HROB: variants seen among roughly 807,000 people sequenced by gnomAD.
The protein encoded by HROB is homologous recombination OB-fold protein.
A neutral mutation model predicts 61.0 loss-of-function variants in HROB; 44 were observed. The ratio of observed to expected loss-of-function variants is 0.72; its 90% CI spans 0.57 to 0.93. The LOEUF is 0.93. Among genes scored for constraint, HROB ranks in the 40% least tolerant of loss-of-function variants. The pLI is 0.00. For synonymous variants in HROB, 301 were observed against 310.4 expected (o/e 0.97, Z 0.32); for missense variants, 716 against 796.2 (o/e 0.90, Z 1.21).
intron 5 of HROB, 25 bp downstream of exon 5, chr17:44,152,802 CAAAGG>C (rs750998469): frequency 6.2e-7 from 1 of 1,606,676 alleles, no homozygotes; most frequent in Non-Finnish European, 8.5e-7. Flanking sequence ...TGCTGAGACC[CAAAGG>C]AAAGACCATT....
rs750286909 is a variant in HROB, at chr17:44,148,977, C to G, written c.1174C>G (p.Arg392Gly). 1 of 1,614,042 alleles carries G rather than the reference C, an allele frequency of 6.2e-7. No individual in the cohort carries two copies. The highest frequency in any genetic ancestry group is 1.7e-5 in the Admixed American group (1 of 60,006). The change falls in exon 3 of 10, where the codon CGA becomes GGA. Residue 392 changes from arginine to glycine, a missense_variant. Physicochemically the swap from Arg to Gly is moderately radical, Grantham distance 125. Transcript: ENST00000585683. ...TPQQPTHPST[R>G]AKTRRFPGPA... Reference sequence around the variant, plus strand: ...CCAGCAGCCCACCCATCCCTCCACCCGAGCCAAAACTCGCCGTTTCCCTGG... The same window carrying G: ...CCAGCAGCCCACCCATCCCTCCACCGGAGCCAAAACTCGCCGTTTCCCTGG...
chr17:44,148,612 C>A lies in HROB; in HGVS notation c.809C>A (p.Pro270Gln). Residue 270 changes from proline (P) to glutamine (Q), a missense_variant, in exon 3 of 10, where the codon CCG (proline) becomes CAG (glutamine). Transcript: ENST00000585683. ...CAGCAACTCCACTGGGAAGTCTGTC[C>A]GCAACGCTCCCCTGTTCAAGCACTT... ...PTQQLHWEVC[P>Q]QRSPVQALQP... 6.2e-7 allele frequency: 1 copy of A among 1,613,570 alleles called. No homozygotes were observed. Among genetic ancestry groups the A allele is most frequent in the Non-Finnish European group, 8.5e-7 (1 of 1,180,016 alleles).
At chr17:44,142,462 T>G (rs2053477557) in intron 1 of HROB, among the ~76,000 whole-genome samples, 1 of 149,322 alleles carries the variant, frequency 6.7e-6, no homozygotes, top group South Asian at 2.1e-4. Flanking sequence ...CCCCACACTT[T>G]CTACTTTTTT....
intron 2 of HROB, 174 bp from the exon 3 acceptor site, chr17:44,147,684 C>T (rs1421975576): frequency 1.6e-6 from 1 of 631,396 alleles, no homozygotes; most frequent in East Asian, 2.9e-5. Context: ...GATCCTCCTA[C>T]CTTGGCCTCC....
Position 44,147,150 on chromosome 17 carries a change from A to G in HROB, c.55-708A>G, listed in dbSNP as rs151206347. 7.9e-5 allele frequency among the ~76,000 whole-genome samples: 12 copies of G among 152,106 alleles called. No individual in the cohort carries two copies. In the East Asian group the frequency reaches 2.3e-3, roughly 30 times the overall value. On this transcript the variant is annotated intron_variant, in intron 2 of 9. Coordinates refer to ENST00000585683, the MANE Select transcript of HROB (RefSeq NM_001171251.3). ...AGCTGGATAGATCCCTGTTTAGATA[A>G]CAGGCCAGACACCAGAAAGTGGTCT...
intron 3 of HROB, among the ~76,000 whole-genome samples, chr17:44,149,355 T>C (rs923786364): frequency 6.6e-6 from 1 of 152,004 alleles, no homozygotes; most frequent in African/African-American, 2.4e-5. Flanking sequence ...TTTAAGCGAT[T>C]CTCCTGCCTC....
chr17:44,156,669 A>ATTT (rs200144326), intron 8 of HROB, among the ~76,000 whole-genome samples: 1 of 150,206 alleles, frequency 6.7e-6, no homozygotes, highest in South Asian at 2.1e-4. Context: ...GTATTTATTT[A>ATTT]TTTTTTTTTT....
Position 44,145,920 on chromosome 17 carries a change from C to A in HROB, c.54+667C>A, listed in dbSNP as rs184319987. Among the ~76,000 whole-genome samples, 450 of 152,274 alleles carry A rather than the reference C, an allele frequency of 3.0e-3. 1 individual carries two copies. The highest frequency in any genetic ancestry group is 5.2e-3 in the Non-Finnish European group (355 of 68,016). On this transcript the variant is annotated intron_variant, in intron 2 of 9. Coordinates refer to ENST00000585683, the MANE Select transcript of HROB (RefSeq NM_001171251.3). ...CAGGGGTACACGTGCAGGTTTGTTA[C>A]ATAGGTAAACATGTGCCATGGTGGT...
rs2053713682 is a variant in HROB at position 44,149,006 on chromosome 17, A to G, written c.1203A>G (p.Pro401=). ...CCAAAACTCGCCGTTTCCCTGGCCC[A>G]GCTGGGATCCTGCCTCACCAGGTGA... ...TRAKTRRFPG[P]AGILPHQQSG... The change falls in exon 3 of 10, where the codon CCA becomes CCG. Residue 401 remains proline (P), a synonymous_variant. Transcript: ENST00000585683. The G allele has an allele frequency of 2.5e-6, 4 of 1,613,656 alleles. No homozygotes were observed. Among genetic ancestry groups the G allele is most frequent in the African/African-American group, 2.7e-5 (2 of 74,904 alleles).
chr17:44,144,556 A>G (rs227581), intron 1 of HROB, among the ~76,000 whole-genome samples: 70,236 of 151,694 alleles, frequency 0.46, 19,327 homozygotes, highest in East Asian at 0.78. Context: ...GATTATAGGC[A>G]TGAGCCACCG....
intron 3 of HROB, among the ~76,000 whole-genome samples, chr17:44,150,610 C>G (rs1177591156): frequency 6.6e-6 from 1 of 151,978 alleles, no homozygotes; most frequent in Non-Finnish European, 1.5e-5. Flanking sequence ...AGGCTGGTCT[C>G]GAACTCCTGA....
chr17:44,160,073 G>A (rs367889339), intron 9 of HROB, among the ~76,000 whole-genome samples: 1 of 152,130 alleles, frequency 6.6e-6, no homozygotes, highest in Non-Finnish European at 1.5e-5. Context: ...GCTAAGTAAC[G>A]GGTGCCTTAC....
chr17:44,160,944 T>C (rs1462643822), intron 9 of HROB, among the ~76,000 whole-genome samples: 1 of 152,196 alleles, frequency 6.6e-6, no homozygotes, highest in African/African-American at 2.4e-5. Context: ...GGCTCATGCC[T>C]CTAATCCCAG....
At chr17:44,145,580 A>G (rs1409964644) in intron 2 of HROB, among the ~76,000 whole-genome samples, 1 of 152,238 alleles carries the variant, frequency 6.6e-6, no homozygotes. Flanking sequence ...AGCCAGAACC[A>G]TGTAAGAGAT....
At chr17:44,142,287 G>T in intron 1 of HROB, 142 bp downstream of exon 1, 1 of 1,122,762 alleles carries the variant, frequency 8.9e-7, no homozygotes, top group Non-Finnish European at 1.2e-6. Context: ...GGAGACCTGG[G>T]CTGTCGTCAG....
At position 44,141,960 on chromosome 17, in the gene HROB, C is replaced by G; in HGVS notation, c.-183C>G. On this transcript the variant is annotated 5_prime_UTR_variant, in exon 1 of 10. Coordinates refer to ENST00000585683, the MANE Select transcript of HROB (RefSeq NM_001171251.3). ...CGGCGTCTTCGAATGCGGCCTAAGG[C>G]GCCTGCCGCCAGTCTCCTGGCGACT... The G allele has an allele frequency of 1.3e-6, 1 of 788,000 alleles. No homozygotes were observed. The allele number at this position is 788,000 out of a possible 1,614,324, so 48.8% of individuals were successfully genotyped here. A position where few individuals can be genotyped will look rare whatever the true frequency, so the allele number is the denominator to read the frequency against.
At chr17:44,155,082 GC>G in intron 7 of HROB, 144 bp downstream of exon 7, 1 of 1,281,680 alleles carries the variant, frequency 7.8e-7, no homozygotes, top group Non-Finnish European at 1.1e-6. Flanking sequence ...CTCAGGGAAG[GC>G]CTGTGGCCCT....
intron 5 of HROB, chr17:44,154,331 T>G: frequency 2.0e-6 from 1 of 497,148 alleles, no homozygotes; most frequent in Non-Finnish European, 3.6e-6. Context: ...CGAAACTCCC[T>G]CTCAAAAAAT....
intron 9 of HROB, among the ~76,000 whole-genome samples, chr17:44,159,600 G>A (rs930325979): frequency 3.3e-5 from 5 of 152,228 alleles, no homozygotes; most frequent in African/African-American, 1.2e-4. Flanking sequence ...GCTATTTATT[G>A]TATACAAGGC....
Sources: allele counts gnomAD v4.1 joint callset (sites outside exome capture counted in the v4.1 genomes callset), GRCh38; gene constraint gnomAD v4.1.1; transcripts MANE v1.5; gene names NCBI Gene and HGNC (gene_info 2026-07-23, HGNC 2026-07-21).